TENT5D: variants seen among roughly 807,000 people sequenced by gnomAD.
The protein encoded by TENT5D is cancer/testis antigen 112.
For synonymous variants in TENT5D, 103 were observed against 100.6 expected, an observed-to-expected ratio of 1.02 and a Z score of -0.15; for missense variants, 191 against 287.0, an observed-to-expected ratio of 0.67 and a Z score of 2.42.
chrX:80,439,563 T>C (rs1345167707), intron 2 of TENT5D, among the ~76,000 whole-genome samples: 6 of 111,331 alleles, frequency 5.4e-5, no homozygotes, highest in Non-Finnish European at 1.1e-4. Context: ...TTGAAATTTG[T>C]ACTAATAACA....
chrX:80,390,679 A>G (rs1397902271), intron 3 of TENT5D, among the ~76,000 whole-genome samples: 1 of 111,378 alleles, frequency 9.0e-6, no homozygotes, highest in Non-Finnish European at 1.9e-5. Context: ...TTGAAAGATA[A>G]GATGCTCAGA....
chrX:80,360,623 GATT>G (rs1186423850), intron 3 of TENT5D, among the ~76,000 whole-genome samples: 1 of 111,678 alleles, frequency 9.0e-6, no homozygotes, highest in African/African-American at 3.2e-5. Flanking sequence ...GAGGGTTGCA[GATT>G]ATTGTTGGCT....
chrX:80,416,865 T>G (rs1033403484), upstream of TENT5D, among the ~76,000 whole-genome samples: 1 of 111,451 alleles, frequency 9.0e-6, no homozygotes, highest in African/African-American at 3.3e-5. Context: ...GTTAGTTTTC[T>G]GCCTCAATGA....
intron 3 of TENT5D, among the ~76,000 whole-genome samples, chrX:80,373,237 G>A (rs1468655595): frequency 9.1e-6 from 1 of 110,403 alleles, no homozygotes; most frequent in African/African-American, 3.3e-5. Flanking sequence ...TACATTTCCA[G>A]GATTTTGATC....
At chrX:80,371,077 G>T (rs750726244) in intron 3 of TENT5D, among the ~76,000 whole-genome samples, 58 of 112,210 alleles carry the variant, frequency 5.2e-4, no homozygotes, top group Middle Eastern at 9.2e-3. Context: ...CCCAATGGAA[G>T]TGTATAATGA....
intron 3 of TENT5D, among the ~76,000 whole-genome samples, chrX:80,389,683 C>A (rs1442294674): frequency 8.9e-6 from 1 of 112,120 alleles, no homozygotes; most frequent in Non-Finnish European, 1.9e-5. Context: ...CCAAGTGTGG[C>A]AAATGCTGCT....
chrX:80,410,748 A>G (rs1272514969), intron 3 of TENT5D, among the ~76,000 whole-genome samples: 1 of 109,543 alleles, frequency 9.1e-6, no homozygotes, highest in Non-Finnish European at 1.9e-5. Context: ...TACTGGGTAT[A>G]TACCCAAAGG....
At chrX:80,338,161 T>G (rs1929888817) in intron 2 of TENT5D, among the ~76,000 whole-genome samples, 1 of 112,017 alleles carries the variant, frequency 8.9e-6, no homozygotes, top group South Asian at 3.7e-4. Flanking sequence ...TCTACCAGAT[T>G]TAGTAATACC....
chrX:80,415,239 A>T (rs757196502), intron 3 of TENT5D, among the ~76,000 whole-genome samples: 1 of 111,951 alleles, frequency 8.9e-6, no homozygotes, highest in Non-Finnish European at 1.9e-5. Flanking sequence ...ATCAACAATC[A>T]GTGATAGTTT....
At chrX:80,356,199 A>G (rs1430735955) in intron 3 of TENT5D, among the ~76,000 whole-genome samples, 1 of 112,506 alleles carries the variant, frequency 8.9e-6, no homozygotes, top group Non-Finnish European at 1.9e-5. Context: ...AAATTTGGAA[A>G]AGATAGAAGG....
At chrX:80,435,065 G>C (rs1321762707) in intron 1 of TENT5D, among the ~76,000 whole-genome samples, 1 of 110,752 alleles carries the variant, frequency 9.0e-6, no homozygotes, top group Non-Finnish European at 1.9e-5. Context: ...TTACAGACTT[G>C]AGCCACCGCG....
chrX:80,432,535 TAAGAC>T (rs1345038324), intron 1 of TENT5D, among the ~76,000 whole-genome samples: 1 of 111,991 alleles, frequency 8.9e-6, no homozygotes, highest in Non-Finnish European at 1.9e-5. Context: ...GAAGAAAACT[TAAGAC>T]AAGAAGCCTT....
chrX:80,387,820 C>T (rs1931049068), intron 3 of TENT5D, among the ~76,000 whole-genome samples: 3 of 111,687 alleles, frequency 2.7e-5, no homozygotes, highest in African/African-American at 9.8e-5. Flanking sequence ...TCTGTCCTTC[C>T]CTTTAGGGCA....
At chrX:80,356,698 T>C (rs1366387257) in intron 3 of TENT5D, among the ~76,000 whole-genome samples, 1 of 111,984 alleles carries the variant, frequency 8.9e-6, no homozygotes. Context: ...AGTTCTGTTT[T>C]ATTAATATTT....
chrX:80,397,145 C>A (rs781394615), intron 3 of TENT5D, among the ~76,000 whole-genome samples: 9 of 102,447 alleles, frequency 8.8e-5, no homozygotes, highest in African/African-American at 3.3e-4. Context: ...GGGTGGCTGC[C>A]GGGCGGAGGG....
chrX:80,342,835 A>G (rs17337067), intron 3 of TENT5D, among the ~76,000 whole-genome samples: 14,642 of 111,082 alleles, frequency 0.13, 1,038 homozygotes, highest in East Asian at 0.48. Context: ...CATTATGTAC[A>G]TGTGTTTGGC....
intron 3 of TENT5D, among the ~76,000 whole-genome samples, chrX:80,380,297 A>G (rs1930832549): frequency 9.1e-6 from 1 of 110,495 alleles, no homozygotes; most frequent in South Asian, 3.8e-4. Context: ...CCTGAGTTCT[A>G]ATTTGATTGC....
chrX:80,409,761 G>A (rs1282857161), intron 3 of TENT5D, among the ~76,000 whole-genome samples: 1 of 106,143 alleles, frequency 9.4e-6, no homozygotes, highest in Non-Finnish European at 1.9e-5. Context: ...AAGTTCATAT[G>A]GAACCAAAAA....
At chrX:80,354,218 G>C (rs1221290221) in intron 3 of TENT5D, among the ~76,000 whole-genome samples, 1 of 111,319 alleles carries the variant, frequency 9.0e-6, no homozygotes, top group African/African-American at 3.3e-5. Context: ...TCTCACAGGG[G>C]TTCTTTAAAT....
Sources: allele counts gnomAD v4.1 joint callset (sites outside exome capture counted in the v4.1 genomes callset), GRCh38; gene constraint gnomAD v4.1.1; transcripts MANE v1.5; gene names NCBI Gene and HGNC (gene_info 2026-07-23, HGNC 2026-07-21).